MAN2A1: variants seen among roughly 807,000 people sequenced by gnomAD.
MAN2A1 encodes alpha-mannosidase 2.
MAN2A1 carries 76 observed loss-of-function variants against 142.6 expected under a neutral mutation model. The observed-to-expected ratio is 0.53, with a 90% CI of 0.44 to 0.65. The LOEUF (loss-of-function observed/expected upper bound fraction) is 0.65. Ranked by LOEUF, MAN2A1 falls within the 30% of genes least tolerant of loss-of-function variation. MAN2A1 has a pLI of 0.00. For missense variants in MAN2A1, 1,311 were observed against 1,365.1 expected, an observed-to-expected ratio of 0.96 and a Z score of 0.62; for synonymous variants, 559 against 473.2, an observed-to-expected ratio of 1.18 and a Z score of -2.35.
At chr5:109,717,732 G>GT (rs1751494078) in intron 3 of MAN2A1, among the ~76,000 whole-genome samples, 1 of 152,176 alleles carries the variant, frequency 6.6e-6, no homozygotes. Flanking sequence ...TGTATTGCCT[G>GT]TGTGTCCTTG....
At chr5:109,749,920 G>A (rs1161752418) in intron 4 of MAN2A1, among the ~76,000 whole-genome samples, 2 of 151,886 alleles carry the variant, frequency 1.3e-5, no homozygotes, top group African/African-American at 4.8e-5. Flanking sequence ...TTAAAAAATT[G>A]TTAGTCTTGA....
At chr5:109,742,297 C>A (rs1257022325) in intron 4 of MAN2A1, among the ~76,000 whole-genome samples, 1 of 152,166 alleles carries the variant, frequency 6.6e-6, no homozygotes, top group African/African-American at 2.4e-5. Context: ...CTTTGTGGAT[C>A]TTTTAGTGTG....
At chr5:109,838,985 T>G (rs1044042260) in intron 16 of MAN2A1, among the ~76,000 whole-genome samples, 3 of 152,226 alleles carry the variant, frequency 2.0e-5, no homozygotes, top group African/African-American at 7.2e-5. Context: ...GAATTAAAAT[T>G]AATGATGTTC....
At chr5:109,847,812 G>C (rs1413967192) in intron 19 of MAN2A1, 22 bp downstream of exon 19, 2 of 1,474,142 alleles carry the variant, frequency 1.4e-6, no homozygotes, top group Non-Finnish European at 1.8e-6. Flanking sequence ...TAACTAGCAT[G>C]ATCTGATATT....
intron 5 of MAN2A1, among the ~76,000 whole-genome samples, chr5:109,762,103 A>G (rs891523611): frequency 2.0e-5 from 3 of 152,128 alleles, no homozygotes; most frequent in African/African-American, 4.8e-5. Flanking sequence ...ACTTTTTCAT[A>G]TGTATATTTA....
At chr5:109,765,326 A>G (rs1405702691) in intron 5 of MAN2A1, among the ~76,000 whole-genome samples, 1 of 152,036 alleles carries the variant, frequency 6.6e-6, no homozygotes, top group Non-Finnish European at 1.5e-5. Context: ...AAGTCTCTCT[A>G]TTTGACTTTG....
At chr5:109,774,010 C>A (rs1049179122) in intron 7 of MAN2A1, among the ~76,000 whole-genome samples, 1 of 152,114 alleles carries the variant, frequency 6.6e-6, no homozygotes, top group Non-Finnish European at 1.5e-5. Context: ...TTAAATGATG[C>A]CCTAATTCAG....
At chr5:109,704,709 C>G (rs1053331589) in intron 1 of MAN2A1, among the ~76,000 whole-genome samples, 5 of 152,138 alleles carry the variant, frequency 3.3e-5, no homozygotes, top group African/African-American at 1.2e-4. Flanking sequence ...GGTTGACTGA[C>G]CAGGGACTGC....
At chr5:109,723,116 A>G (rs1751650672) in intron 3 of MAN2A1, among the ~76,000 whole-genome samples, 1 of 152,200 alleles carries the variant, frequency 6.6e-6, no homozygotes, top group Admixed American at 6.5e-5. Context: ...CATTGTACGT[A>G]TAGGGCTGCA....
chr5:109,782,441 G>A (rs1249284810), intron 9 of MAN2A1, among the ~76,000 whole-genome samples: 4 of 152,110 alleles, frequency 2.6e-5, no homozygotes, highest in African/African-American at 7.2e-5. Flanking sequence ...TGGAGAGCAT[G>A]GTCCTAAGTA....
At chr5:109,695,078 A>G (rs1188875122) in intron 1 of MAN2A1, among the ~76,000 whole-genome samples, 2 of 152,226 alleles carry the variant, frequency 1.3e-5, no homozygotes, top group Non-Finnish European at 2.9e-5. Context: ...GGTGTCCTCT[A>G]ACTCCTCTTC....
intron 20 of MAN2A1, among the ~76,000 whole-genome samples, chr5:109,857,891 C>G (rs1271836530): frequency 6.6e-6 from 1 of 152,120 alleles, no homozygotes; most frequent in African/African-American, 2.4e-5. Flanking sequence ...GGCTGAGTGA[C>G]TGCTGACTCA....
chr5:109,820,450 A>G, intron 15 of MAN2A1, 108 bp downstream of exon 15: 1 of 1,132,952 alleles, frequency 8.8e-7, no homozygotes, highest in Non-Finnish European at 1.2e-6. Flanking sequence ...TTTATTAGGG[A>G]TAGATGAACT....
rs149022492 is a variant in MAN2A1 at position 109,758,810 on chromosome 5, G to A, written c.835+3354G>A. Among the ~76,000 whole-genome samples the A allele has an allele frequency of 2.4e-3, 369 of 151,264 alleles. 1 individual carries two copies. The highest frequency in any genetic ancestry group is 8.6e-3 in the African/African-American group (354 of 41,340). ...AGTTTCATATTTATTTTTTTTGCAT[G>A]TTGATACCCAGTTATTCCAATGCCA... On this transcript the variant is annotated intron_variant, in intron 5 of 21. Coordinates refer to ENST00000261483, the MANE Select transcript of MAN2A1 (RefSeq NM_002372.4).
chr5:109,691,325 G>T (rs1239173858), intron 1 of MAN2A1, among the ~76,000 whole-genome samples: 1 of 152,160 alleles, frequency 6.6e-6, no homozygotes, highest in Non-Finnish European at 1.5e-5. Context: ...CCTTTGGAAG[G>T]GTATCCACCG....
intron 9 of MAN2A1, among the ~76,000 whole-genome samples, chr5:109,783,268 T>A (rs1202834074): frequency 2.0e-5 from 3 of 152,190 alleles, no homozygotes; most frequent in Non-Finnish European, 4.4e-5. Context: ...ACTTTCCAAA[T>A]GTATTTATTT....
chr5:109,784,990 A>G (rs957410173), intron 10 of MAN2A1, 64 bp downstream of exon 10: 47 of 1,237,736 alleles, frequency 3.8e-5, no homozygotes, highest in Middle Eastern at 3.9e-4. Flanking sequence ...ATAAGATTAT[A>G]TCTTTTGGTG....
At chr5:109,815,018 C>T (rs1269525236) in intron 12 of MAN2A1, among the ~76,000 whole-genome samples, 1 of 152,148 alleles carries the variant, frequency 6.6e-6, no homozygotes, top group Non-Finnish European at 1.5e-5. Flanking sequence ...TAAATACTAG[C>T]TCTGTAAGCC....
intron 19 of MAN2A1, among the ~76,000 whole-genome samples, chr5:109,853,313 A>G (rs183211033): frequency 6.6e-6 from 1 of 152,226 alleles, no homozygotes; most frequent in Admixed American, 6.5e-5. Flanking sequence ...TCAGCTTTGC[A>G]TTTTCAGGAC....
Sources: gnomAD v4.1 joint callset for allele counts (sites outside exome capture counted in the v4.1 genomes callset) on GRCh38, gnomAD v4.1.1 for gene constraint, MANE v1.5 for transcripts, NCBI Gene and HGNC (gene_info 2026-07-23, HGNC 2026-07-21) for gene names.